The following EDAR variants were observed in gnomAD, a reference collection of about 807,000 sequenced individuals.
The protein encoded by EDAR is ectodysplasin A receptor.
In EDAR, 38 loss-of-function variants were observed where a neutral mutation model predicts 51.3. That is an observed-to-expected ratio of 0.74 (90% confidence interval 0.57 to 0.97). The LOEUF is 0.97. Ranked by LOEUF, EDAR falls within the 50% of genes least tolerant of loss-of-function variation. The probability of loss-of-function intolerance (pLI) is 0.00; values close to 1 mark genes in which losing one functional copy is unlikely to be tolerated. For missense variants in EDAR, 528 were observed against 595.0 expected (o/e 0.89, Z 1.17); for synonymous variants, 227 against 242.1 (o/e 0.94, Z 0.58).
chr2:108,929,550 G>C (rs1031773403), intron 3 of EDAR, among the ~76,000 whole-genome samples, 171 bp from the exon 4 acceptor site: 4 of 152,178 alleles, frequency 2.6e-5, no homozygotes, highest in African/African-American at 9.7e-5. Context: ...ACCAGCTCAT[G>C]CTCTGGGCTT....
At chr2:108,950,170 T>A (rs375907795) in intron 1 of EDAR, among the ~76,000 whole-genome samples, 1 of 152,104 alleles carries the variant, frequency 6.6e-6, no homozygotes, top group East Asian at 1.9e-4. Context: ...CCATCTAAGA[T>A]GTCATGTCTT....
At chr2:108,982,970 CAA>C (rs1410077795) in intron 1 of EDAR, among the ~76,000 whole-genome samples, 1 of 152,098 alleles carries the variant, frequency 6.6e-6, no homozygotes, top group Non-Finnish European at 1.5e-5. Flanking sequence ...AGCTAAAATT[CAA>C]AAAGAGTTCT....
chr2:108,981,316 C>T (rs545975462), intron 1 of EDAR, among the ~76,000 whole-genome samples: 1 of 152,212 alleles, frequency 6.6e-6, no homozygotes, highest in Non-Finnish European at 1.5e-5. Flanking sequence ...AGGTGGCTAG[C>T]CCATGCCAGT....
intron 8 of EDAR, 54 bp downstream of exon 8, chr2:108,910,722 C>T (rs1696910802): frequency 1.3e-6 from 2 of 1,594,452 alleles, no homozygotes; most frequent in Non-Finnish European, 1.7e-6. Context: ...GGAACGCCCT[C>T]CACCCAGAGA....
intron 9 of EDAR, among the ~76,000 whole-genome samples, chr2:108,909,678 C>T (rs1387744448): frequency 1.3e-5 from 2 of 152,358 alleles, no homozygotes; most frequent in East Asian, 3.9e-4. Flanking sequence ...TTTTTGGAAG[C>T]TACGCAGGAC....
intron 11 of EDAR, among the ~76,000 whole-genome samples, chr2:108,905,191 T>TGGGCATGGAGCACAGGTTCTC (rs1166805963): frequency 6.6e-6 from 1 of 152,140 alleles, no homozygotes; most frequent in Non-Finnish European, 1.5e-5. Flanking sequence ...TCATCAGAGC[T>TGGGCATGGAGCACAGGTTCTC]GGGCATGGAG....
chr2:108,897,311 TA>T, intron 11 of EDAR, 82 bp from the exon 12 acceptor site: 1 of 1,343,482 alleles, frequency 7.4e-7, no homozygotes, highest in South Asian at 1.4e-5. Flanking sequence ...TTAAATGAAA[TA>T]AAAATTATTT....
At chr2:108,922,077 C>T (rs1233255689) in intron 5 of EDAR, among the ~76,000 whole-genome samples, 5 of 152,240 alleles carry the variant, frequency 3.3e-5, no homozygotes, top group Admixed American at 6.5e-5. Context: ...GCGCCCCTGC[C>T]GTGACTCAAG....
At chr2:108,947,697 T>A (rs1697740432) in intron 1 of EDAR, among the ~76,000 whole-genome samples, 1 of 152,032 alleles carries the variant, frequency 6.6e-6, no homozygotes, top group African/African-American at 2.4e-5. Flanking sequence ...GGAGCTGGAG[T>A]GGCTGGGATG....
intron 1 of EDAR, among the ~76,000 whole-genome samples, chr2:108,974,229 T>A (rs760874189): frequency 2.2e-4 from 31 of 140,990 alleles, no homozygotes; most frequent in Admixed American, 1.8e-3. Context: ...AGTTGGGAGG[T>A]TGAGGCAGGA....
chr2:108,950,012 A>G (rs575898773), intron 1 of EDAR, among the ~76,000 whole-genome samples: 15 of 152,316 alleles, frequency 9.8e-5, no homozygotes, highest in African/African-American at 3.4e-4. Flanking sequence ...GGACAAATCA[A>G]TTGTCAGATG....
At chr2:108,981,155 G>T (rs114815343) in intron 1 of EDAR, among the ~76,000 whole-genome samples, 4 of 152,134 alleles carry the variant, frequency 2.6e-5, no homozygotes, top group Non-Finnish European at 4.4e-5. Flanking sequence ...ACCTTCCCTC[G>T]GGGAACTGAA....
Position 108,898,261 on chromosome 2 carries a change from G to T in EDAR, c.1025-1032C>A, listed in dbSNP as rs549057888. On this transcript the variant is annotated intron_variant, in intron 11 of 11. Coordinates refer to ENST00000258443, the MANE Select transcript of EDAR (RefSeq NM_022336.4). ...GGTGTCAGGAAAGGCCATGTAGGGAGCTGGGGCTTTCTCATCAACCAGCTG... is the reference window on the plus strand; with the variant it reads ...GGTGTCAGGAAAGGCCATGTAGGGATCTGGGGCTTTCTCATCAACCAGCTG... Among the ~76,000 whole-genome samples, 4 of 152,274 alleles carry T rather than the reference G, an allele frequency of 2.6e-5. No individual in the cohort carries two copies. In the East Asian group the frequency reaches 7.7e-4, roughly 29 times the overall value.
intron 1 of EDAR, among the ~76,000 whole-genome samples, chr2:108,965,446 C>A (rs1698131933): frequency 2.3e-5 from 3 of 132,706 alleles, no homozygotes; most frequent in Admixed American, 8.6e-5. Flanking sequence ...ACCTGGGAGA[C>A]AGAGCGAGAT....
At position 108,941,621 on chromosome 2, in the gene EDAR, C is replaced by T. The variant is rs12623289; in HGVS notation, c.-18-10589G>A. On this transcript the variant is annotated intron_variant, in intron 1 of 11. Coordinates refer to ENST00000258443, the MANE Select transcript of EDAR (RefSeq NM_022336.4). ...AGTAGAAGGAGAAGAAAAACGATCT[C>T]CTTGGCCCAGAGGCACCCAGGGACT... 2.6e-5 allele frequency among the ~76,000 whole-genome samples: 4 copies of T among 152,294 alleles called. No individual in the cohort carries two copies. The East Asian group carries it at 7.7e-4, about 29-fold the overall frequency.
chr2:108,940,709 T>A (rs2105471561), intron 1 of EDAR, among the ~76,000 whole-genome samples: 1 of 152,354 alleles, frequency 6.6e-6, no homozygotes, highest in South Asian at 2.1e-4. Flanking sequence ...CACCACGCGA[T>A]GACGTGGGTC....
intron 1 of EDAR, among the ~76,000 whole-genome samples, chr2:108,951,922 T>C (rs138370998): frequency 5.9e-5 from 9 of 152,228 alleles, no homozygotes; most frequent in African/African-American, 1.7e-4. Context: ...GAGTAAGACA[T>C]AGACTTTCCC....
chr2:108,971,184 A>G (rs751688646), intron 1 of EDAR, among the ~76,000 whole-genome samples: 4 of 152,272 alleles, frequency 2.6e-5, no homozygotes, highest in Non-Finnish European at 4.4e-5. Context: ...TCCGTCTCCA[A>G]CTGGATTCCT....
At chr2:108,977,986 C>T (rs1196192917) in intron 1 of EDAR, among the ~76,000 whole-genome samples, 1 of 152,238 alleles carries the variant, frequency 6.6e-6, no homozygotes, top group Non-Finnish European at 1.5e-5. Flanking sequence ...CAGGGAGCTT[C>T]TATTCTCGTA....
Sources: allele counts gnomAD v4.1 joint callset (sites outside exome capture counted in the v4.1 genomes callset), GRCh38; gene constraint gnomAD v4.1.1; transcripts MANE v1.5; gene names NCBI Gene and HGNC (gene_info 2026-07-23, HGNC 2026-07-21).